The following MBD5 variants were observed in gnomAD, a reference collection of about 807,000 sequenced individuals.
MBD5 encodes methyl-CpG-binding domain protein 5.
MBD5 carries 13 observed loss-of-function variants against 117.3 expected under a neutral mutation model. The ratio of observed to expected loss-of-function variants is 0.11; its 90% CI spans 0.07 to 0.18. The LOEUF (loss-of-function observed/expected upper bound fraction) is 0.18. MBD5 is among the 10% of genes least tolerant of loss of function. MBD5 has a pLI of 1.00. For synonymous variants in MBD5, 727 were observed against 766.4 expected, an observed-to-expected ratio of 0.95 and a Z score of 0.85; for missense variants, 1,879 against 2,093.8, an observed-to-expected ratio of 0.90 and a Z score of 2.00.
chr2:148,259,743 G>T (rs977753511), intron 3 of MBD5, among the ~76,000 whole-genome samples: 23 of 152,144 alleles, frequency 1.5e-4, no homozygotes, highest in Non-Finnish European at 3.4e-4. Context: ...GCTCACATAG[G>T]TCATCATCTA....
chr2:148,447,178 G>GGAAAGAAAGAAA (rs70995316), intron 4 of MBD5, among the ~76,000 whole-genome samples: 2,561 of 137,644 alleles, frequency 0.019, 54 homozygotes, highest in African/African-American at 0.05. Context: ...AAAGGAAGAA[G>GGAAAGAAAGAAA]GAAAGAAAGA....
intron 4 of MBD5, among the ~76,000 whole-genome samples, chr2:148,366,841 T>C (rs1411320615): frequency 6.6e-6 from 1 of 152,096 alleles, no homozygotes; most frequent in Non-Finnish European, 1.5e-5. Context: ...CACAAACAAA[T>C]GGAAAACATT....
At position 148,513,271 on chromosome 2, in the gene MBD5, A is replaced by G. The variant is rs898822733; in HGVS notation, c.*330A>G. On this transcript the variant is annotated 3_prime_UTR_variant, in exon 14 of 14. Coordinates refer to ENST00000642680, the MANE Select transcript of MBD5 (RefSeq NM_001378120.1). ...GAATTTTCAATGTTGTATATAGAAAATACAGAATTTCATGGTGATATCAGA... is the reference window on the plus strand; with the variant it reads ...GAATTTTCAATGTTGTATATAGAAAGTACAGAATTTCATGGTGATATCAGA... 6.3e-6 allele frequency: 2 copies of G among 315,306 alleles called. No homozygotes were observed. Among genetic ancestry groups the G allele is most frequent in the African/African-American group, 4.3e-5 (2 of 46,904 alleles). 19.5% of individuals were successfully genotyped at this position (315,306 alleles called of 1,614,324 possible).
chr2:148,086,111 A>G (rs1695785514), intron 1 of MBD5, among the ~76,000 whole-genome samples: 1 of 152,090 alleles, frequency 6.6e-6, no homozygotes, highest in Non-Finnish European at 1.5e-5. Flanking sequence ...CTATTGCATC[A>G]TATATATAGT....
chr2:148,385,877 A>G (rs200034863), intron 4 of MBD5, among the ~76,000 whole-genome samples: 3,585 of 149,430 alleles, frequency 0.024, 102 homozygotes, highest in South Asian at 0.084. Context: ...ACCAAACACC[A>G]CATGTTCTCA....
At chr2:148,479,677 A>G (rs986042499) in intron 8 of MBD5, among the ~76,000 whole-genome samples, 2 of 150,956 alleles carry the variant, frequency 1.3e-5, no homozygotes, top group East Asian at 1.9e-4. Flanking sequence ...GGGGAAGCAC[A>G]GGACTCTTCA....
chr2:148,376,146 T>C (rs1394149337), intron 4 of MBD5, among the ~76,000 whole-genome samples: 1 of 151,950 alleles, frequency 6.6e-6, no homozygotes, highest in African/African-American at 2.4e-5. Flanking sequence ...ACTAGTTCTC[T>C]ATCCTGTTTG....
At chr2:148,501,543 T>C (rs983807618) in intron 11 of MBD5, among the ~76,000 whole-genome samples, 4 of 152,234 alleles carry the variant, frequency 2.6e-5, no homozygotes, top group African/African-American at 9.6e-5. Context: ...GCCATGTTTT[T>C]CTAAAAGTGC....
chr2:148,390,111 G>C (rs1368335467), intron 4 of MBD5, among the ~76,000 whole-genome samples: 1 of 152,084 alleles, frequency 6.6e-6, no homozygotes. Context: ...GTGAGTGGTA[G>C]AAGTCCAGTT....
intron 3 of MBD5, among the ~76,000 whole-genome samples, chr2:148,287,835 G>A (rs1701399260): frequency 6.6e-6 from 1 of 152,028 alleles, no homozygotes; most frequent in African/African-American, 2.4e-5. Flanking sequence ...ATTTATGAGG[G>A]CAGACCCCTC....
rs371559673 is a variant in MBD5, at chr2:148,510,187, G to A, written c.5112+52G>A. ...CTACGTTTCTTTGAAAATAAATTGT[G>A]TTACACTTTTTGGTAAAGTCTCTTG... is the stretch of plus-strand genomic sequence containing the variant. On this transcript the variant is annotated intron_variant, in intron 13 of 13. Transcript: ENST00000642680. 174 of 1,378,892 alleles carry A rather than the reference G, an allele frequency of 1.3e-4. 4 individuals are homozygous for A. In the Middle Eastern group the frequency reaches 2.1e-3, roughly 17 times the overall value. The allele number at this position is 1,378,892 out of a possible 1,614,324, so 85.4% of individuals were successfully genotyped here.
intron 1 of MBD5, among the ~76,000 whole-genome samples, chr2:148,085,315 A>G (rs1478977658): frequency 6.6e-6 from 1 of 152,230 alleles, no homozygotes; most frequent in East Asian, 1.9e-4. Flanking sequence ...ATTTTGAACA[A>G]TGTCATTTTC....
chr2:148,324,473 G>A (rs1156705885), intron 3 of MBD5, among the ~76,000 whole-genome samples: 1 of 152,140 alleles, frequency 6.6e-6, no homozygotes, highest in Non-Finnish European at 1.5e-5. Context: ...CCATGAGCAT[G>A]GAATGTTCTT....
chr2:148,390,006 T>A (rs1423874778), intron 4 of MBD5, among the ~76,000 whole-genome samples: 1 of 152,168 alleles, frequency 6.6e-6, no homozygotes, highest in Non-Finnish European at 1.5e-5. Flanking sequence ...TAAGCCGATG[T>A]CCAGAAAAGT....
chr2:148,451,847 TAATATTAAAAGTATAAG>T (rs1706736589), intron 4 of MBD5, among the ~76,000 whole-genome samples: 1 of 152,188 alleles, frequency 6.6e-6, no homozygotes, highest in Non-Finnish European at 1.5e-5. Flanking sequence ...TTTATAATCA[TAATATTAAAAGTATAAG>T]CCATGATTTA....
intron 3 of MBD5, among the ~76,000 whole-genome samples, chr2:148,235,135 A>G (rs1044633159): frequency 1.3e-5 from 2 of 152,130 alleles, no homozygotes; most frequent in Non-Finnish European, 2.9e-5. Flanking sequence ...ACTACCTAAT[A>G]CAACCTAAAT....
intron 1 of MBD5, among the ~76,000 whole-genome samples, chr2:148,164,226 G>A (rs1312405214): frequency 3.3e-5 from 5 of 152,150 alleles, no homozygotes; most frequent in African/African-American, 1.2e-4. Flanking sequence ...CAAGCTCAAA[G>A]CTTCTGCTAC....
intron 1 of MBD5, among the ~76,000 whole-genome samples, chr2:148,172,323 G>A (rs75917935): frequency 0.049 from 7,528 of 152,260 alleles, 210 homozygotes; most frequent in Middle Eastern, 0.071. Flanking sequence ...CCTTGCTCCC[G>A]GTGCCTGCTC....
rs1258549890 is a variant in MBD5 at position 148,432,980 on chromosome 2, G to A, written c.-556-25223G>A. On this transcript the variant is annotated intron_variant, in intron 4 of 13. Transcript: ENST00000642680. Reference sequence around the variant, plus strand: ...GTAGTATGGCCATTTTAATGATACTGAGTCTTCCTGTCCATGAATATGGAA... The same window carrying A: ...GTAGTATGGCCATTTTAATGATACTAAGTCTTCCTGTCCATGAATATGGAA... Among the ~76,000 whole-genome samples, 3 of 152,258 alleles carry A rather than the reference G, an allele frequency of 2.0e-5. No homozygotes were observed. In the East Asian group the frequency reaches 5.8e-4, roughly 29 times the overall value.
Sources: gnomAD v4.1 joint callset for allele counts (sites outside exome capture counted in the v4.1 genomes callset) on GRCh38, gnomAD v4.1.1 for gene constraint, MANE v1.5 for transcripts, NCBI Gene and HGNC (gene_info 2026-07-23, HGNC 2026-07-21) for gene names.